The following DLG2 variants were observed in gnomAD, a reference collection of about 807,000 sequenced individuals.
DLG2 encodes the protein discs large MAGUK scaffold protein 2.
In DLG2, 45 loss-of-function variants were observed where a neutral mutation model predicts 132.5. The observed-to-expected ratio is 0.34, with a 90% CI of 0.27 to 0.44. The LOEUF is 0.44. Ranked by LOEUF, DLG2 falls within the 20% of genes least tolerant of loss-of-function variation. The pLI, the probability that DLG2 is intolerant of heterozygous loss-of-function variation, is 1.00. For missense variants in DLG2, 1,045 were observed against 1,196.9 expected, an observed-to-expected ratio of 0.87 and a Z score of 1.87; for synonymous variants, 424 against 419.6, an observed-to-expected ratio of 1.01 and a Z score of -0.13.
At chr11:83,947,442 G>A (rs2084319732) in intron 14 of DLG2, among the ~76,000 whole-genome samples, 2 of 152,158 alleles carry the variant, frequency 1.3e-5, no homozygotes, top group Non-Finnish European at 2.9e-5. Flanking sequence ...AGGTACAAGT[G>A]TAGTGTAAAT....
intron 7 of DLG2, among the ~76,000 whole-genome samples, chr11:84,376,839 T>C (rs2098731340): frequency 6.6e-6 from 1 of 151,972 alleles, no homozygotes. Context: ...TCATCTAAAA[T>C]CTTCGTCTGT....
chr11:84,968,793 C>A (rs1255230633), intron 6 of DLG2, among the ~76,000 whole-genome samples: 1 of 152,106 alleles, frequency 6.6e-6, no homozygotes, highest in African/African-American at 2.4e-5. Flanking sequence ...GGCTACCCAA[C>A]ATGTTAGTGG....
At chr11:83,633,774 A>ACT (rs1441290535) in intron 18 of DLG2, among the ~76,000 whole-genome samples, 2 of 148,484 alleles carry the variant, frequency 1.3e-5, no homozygotes, top group Non-Finnish European at 2.9e-5. Context: ...ACACACACAC[A>ACT]CACACACAAC....
At chr11:84,997,540 C>G (rs571566497) in intron 6 of DLG2, 2 of 152,298 alleles carry the variant, frequency 1.3e-5, no homozygotes, top group Admixed American at 6.5e-5. Flanking sequence ...AACTCCAAAG[C>G]TATTGATGAA....
intron 4 of DLG2, among the ~76,000 whole-genome samples, chr11:85,216,534 T>C (rs148718309): frequency 7.8e-4 from 119 of 152,312 alleles, no homozygotes; most frequent in African/African-American, 2.7e-3. Flanking sequence ...ACAGGTTCCA[T>C]ACTGCAAGTT....
chr11:85,077,654 A>C (rs2066725595), intron 6 of DLG2, among the ~76,000 whole-genome samples: 1 of 151,662 alleles, frequency 6.6e-6, no homozygotes, highest in Non-Finnish European at 1.5e-5. Flanking sequence ...TAAAAATGAA[A>C]AATGTGCTAC....
chr11:85,227,197 C>T (rs951479698), intron 4 of DLG2, among the ~76,000 whole-genome samples: 1 of 151,910 alleles, frequency 6.6e-6, no homozygotes, highest in Non-Finnish European at 1.5e-5. Context: ...GAGGCTATTA[C>T]CAGAACTCCT....
At chr11:83,480,840 A>G (rs903285710) in intron 22 of DLG2, among the ~76,000 whole-genome samples, 2 of 151,898 alleles carry the variant, frequency 1.3e-5, no homozygotes, top group African/African-American at 4.8e-5. Context: ...TTATTTCTCA[A>G]TTTTAGCCTT....
chr11:85,149,667 T>A (rs1017525450), intron 5 of DLG2, among the ~76,000 whole-genome samples: 2 of 152,216 alleles, frequency 1.3e-5, no homozygotes, highest in Non-Finnish European at 2.9e-5. Context: ...ATGTATTCAA[T>A]TAATATAATA....
chr11:85,350,548 C>T (rs1476146992), intron 3 of DLG2, among the ~76,000 whole-genome samples: 1 of 152,200 alleles, frequency 6.6e-6, no homozygotes, highest in Non-Finnish European at 1.5e-5. Flanking sequence ...TTAGGTCTAA[C>T]ATTTAAGTCT....
chr11:85,585,818 A>G (rs1041846638), intron 3 of DLG2, among the ~76,000 whole-genome samples: 3 of 151,696 alleles, frequency 2.0e-5, no homozygotes, highest in African/African-American at 7.3e-5. Flanking sequence ...GGTTCAAGCT[A>G]TTCTCCTGCC....
chr11:84,464,758 CATAA>C (rs2099089525), intron 7 of DLG2, among the ~76,000 whole-genome samples: 2 of 150,960 alleles, frequency 1.3e-5, no homozygotes, highest in South Asian at 4.1e-4. Flanking sequence ...TGAAATTCAA[CATAA>C]ATAGATATGA....
chr11:84,539,716 C>T (rs951030876), intron 6 of DLG2, among the ~76,000 whole-genome samples: 15 of 152,264 alleles, frequency 9.9e-5, no homozygotes, highest in Admixed American at 7.8e-4. Context: ...CGTTAAAGTT[C>T]ATTTGGAACC....
At chr11:84,583,549 C>A (rs2099521720) in intron 6 of DLG2, among the ~76,000 whole-genome samples, 2 of 152,160 alleles carry the variant, frequency 1.3e-5, no homozygotes, top group Non-Finnish European at 1.5e-5. Context: ...TTGATGTATG[C>A]AAAAGAATAC....
At chr11:85,481,826 G>A (rs903327351) in intron 3 of DLG2, among the ~76,000 whole-genome samples, 3 of 151,924 alleles carry the variant, frequency 2.0e-5, no homozygotes, top group Non-Finnish European at 4.4e-5. Flanking sequence ...AGCCACTGTG[G>A]ATGGAGACTC....
At chr11:84,510,128 T>C (rs2154513806) in intron 7 of DLG2, among the ~76,000 whole-genome samples, 1 of 150,624 alleles carries the variant, frequency 6.6e-6, no homozygotes, top group Admixed American at 6.6e-5. Flanking sequence ...ATTATTATGT[T>C]AATCAGAAAA....
At chr11:83,691,649 G>A (rs2081024762) in intron 18 of DLG2, among the ~76,000 whole-genome samples, 1 of 152,172 alleles carries the variant, frequency 6.6e-6, no homozygotes, top group African/African-American at 2.4e-5. Flanking sequence ...CCTGTAACAA[G>A]CTGCTCTGCC....
At chr11:85,125,735 G>T (rs1447073327) in intron 5 of DLG2, among the ~76,000 whole-genome samples, 1 of 151,654 alleles carries the variant, frequency 6.6e-6, no homozygotes, top group Non-Finnish European at 1.5e-5. Flanking sequence ...AGATATGAAG[G>T]ATCACCAGGT....
intron 15 of DLG2, among the ~76,000 whole-genome samples, chr11:83,913,345 T>C (rs2076385947): frequency 6.6e-6 from 1 of 152,022 alleles, no homozygotes; most frequent in South Asian, 2.1e-4. Context: ...AGTAAATAAA[T>C]GAATAATGAT....
Sources: gnomAD v4.1 joint callset for allele counts (sites outside exome capture counted in the v4.1 genomes callset) on GRCh38, gnomAD v4.1.1 for gene constraint, MANE v1.5 for transcripts, NCBI Gene and HGNC (gene_info 2026-07-23, HGNC 2026-07-21) for gene names.